DLG2: variants seen among roughly 807,000 people sequenced by gnomAD.
DLG2 encodes the protein disks large homolog 2.
Under a neutral mutation model 132.5 loss-of-function variants are expected in DLG2, and 45 were observed. The ratio of observed to expected loss-of-function variants is 0.34; its 90% CI spans 0.27 to 0.44. The LOEUF is 0.44. Ranked by LOEUF, DLG2 falls within the 20% of genes least tolerant of loss-of-function variation. The pLI, the probability that DLG2 is intolerant of heterozygous loss-of-function variation, is 1.00. For synonymous variants in DLG2, 424 were observed against 419.6 expected, an observed-to-expected ratio of 1.01 and a Z score of -0.13; for missense variants, 1,045 against 1,196.9, an observed-to-expected ratio of 0.87 and a Z score of 1.87.
chr11:84,641,277 T>C (rs1162817477), intron 6 of DLG2, among the ~76,000 whole-genome samples: 1 of 152,182 alleles, frequency 6.6e-6, no homozygotes, highest in Non-Finnish European at 1.5e-5. Context: ...TAATACCTCT[T>C]TTAAAAGGGT....
intron 6 of DLG2, among the ~76,000 whole-genome samples, chr11:84,659,221 A>G (rs184856289): frequency 5.3e-4 from 80 of 152,148 alleles, no homozygotes; most frequent in Non-Finnish European, 7.9e-4. Flanking sequence ...CTAATTGTGT[A>G]TCTTCTGGGT....
intron 3 of DLG2, among the ~76,000 whole-genome samples, chr11:85,415,067 G>A (rs1307021390): frequency 1.3e-5 from 2 of 152,160 alleles, no homozygotes; most frequent in East Asian, 1.9e-4. Context: ...GTGTCCATGT[G>A]TTCTCATTGA....
intron 7 of DLG2, among the ~76,000 whole-genome samples, chr11:84,275,654 G>A (rs754604575): frequency 7.2e-5 from 11 of 152,112 alleles, no homozygotes; most frequent in African/African-American, 1.7e-4. Context: ...ACACCCAGCC[G>A]TGCTATAATT....
chr11:83,592,244 A>C (rs1451947505), intron 19 of DLG2, among the ~76,000 whole-genome samples: 2 of 151,386 alleles, frequency 1.3e-5, no homozygotes, highest in East Asian at 3.9e-4. Context: ...TTCAAACTAT[A>C]CTACAAGGCT....
chr11:85,155,119 T>A (rs1362502114), intron 4 of DLG2, among the ~76,000 whole-genome samples: 1 of 152,226 alleles, frequency 6.6e-6, no homozygotes, highest in East Asian at 1.9e-4. Flanking sequence ...AAATAATGTC[T>A]ACTTTCAAAG....
intron 3 of DLG2, among the ~76,000 whole-genome samples, chr11:85,409,393 T>C (rs969203300): frequency 2.0e-5 from 3 of 151,736 alleles, no homozygotes; most frequent in African/African-American, 4.8e-5. Flanking sequence ...CAGTTTTTCC[T>C]CCCTAAAAGG....
intron 18 of DLG2, among the ~76,000 whole-genome samples, chr11:83,702,310 T>C (rs950511866): frequency 6.6e-6 from 1 of 152,210 alleles, no homozygotes; most frequent in Non-Finnish European, 1.5e-5. Flanking sequence ...CATCTTCTTC[T>C]ACTTAACAAT....
chr11:83,457,602 A>T lies in DLG2; in HGVS notation c.*2216T>A, dbSNP rs2089216200. On this transcript the variant is annotated 3_prime_UTR_variant, in exon 28 of 28. Transcript: ENST00000376104. ...AGCACATCACACGACCCGCGAAAACATCTACTCATTAATGACAGTCTTTTA... is the reference window on the plus strand; with the variant it reads ...AGCACATCACACGACCCGCGAAAACTTCTACTCATTAATGACAGTCTTTTA... The T allele has an allele frequency of 6.6e-6, 1 of 152,668 alleles. No individual in the cohort carries two copies. The highest frequency in any genetic ancestry group is 2.1e-4 in the South Asian group (1 of 4,826). 9.5% of individuals were successfully genotyped at this position (152,668 alleles called of 1,614,324 possible).
chr11:84,710,372 T>C lies in DLG2; in HGVS notation c.358-175641A>G, dbSNP rs142650633. 2.0e-3 allele frequency among the ~76,000 whole-genome samples: 310 copies of C among 152,030 alleles called. 2 individuals are homozygous for C. The highest frequency in any genetic ancestry group is 7.0e-3 in the African/African-American group (291 of 41,504). ...CAAGAGAGAACTAGAAATTGATTAATGGACAAGTGTACCTACATTTCTCCA... is the reference window on the plus strand; with the variant it reads ...CAAGAGAGAACTAGAAATTGATTAACGGACAAGTGTACCTACATTTCTCCA... On this transcript the variant is annotated intron_variant, in intron 6 of 27. Transcript: ENST00000376104.
At position 85,239,667 on chromosome 11, in the gene DLG2, C is replaced by A. The variant is rs539755078; in HGVS notation, c.186+45553G>T. ...TAAAAGTCTATCCTATTTATATAAT[C>A]TTTTGGGACTCCCTTTTTCCCTCAG... On this transcript the variant is annotated intron_variant, in intron 4 of 27. Transcript: ENST00000376104. Among the ~76,000 whole-genome samples the A allele has an allele frequency of 9.2e-5, 14 of 152,020 alleles. No individual in the cohort carries two copies. In the South Asian group the frequency reaches 2.9e-3, roughly 32 times the overall value.
intron 6 of DLG2, among the ~76,000 whole-genome samples, chr11:84,627,875 T>A (rs1226554878): frequency 6.6e-6 from 1 of 151,960 alleles, no homozygotes; most frequent in Non-Finnish European, 1.5e-5. Flanking sequence ...TCATGAGAAC[T>A]CACTCACTAT....
intron 3 of DLG2, among the ~76,000 whole-genome samples, chr11:85,390,130 C>T (rs1408374109): frequency 1.3e-5 from 2 of 151,964 alleles, no homozygotes; most frequent in Non-Finnish European, 2.9e-5. Flanking sequence ...CATAACCACT[C>T]ACATAAACTT....
intron 9 of DLG2, among the ~76,000 whole-genome samples, chr11:84,099,433 T>A (rs1595216195): frequency 6.6e-6 from 1 of 152,048 alleles, no homozygotes; most frequent in South Asian, 2.1e-4. Flanking sequence ...ATGAAAGAAT[T>A]TGATTTAATA....
intron 2 of DLG2, among the ~76,000 whole-genome samples, chr11:85,613,615 G>T (rs1448773275): frequency 1.3e-5 from 2 of 152,140 alleles, no homozygotes; most frequent in Non-Finnish European, 2.9e-5. Context: ...TCTAGCTAAA[G>T]GTTTGTAAAT....
At chr11:84,331,001 G>A (rs1008934825) in intron 7 of DLG2, among the ~76,000 whole-genome samples, 5 of 152,192 alleles carry the variant, frequency 3.3e-5, no homozygotes, top group African/African-American at 4.8e-5. Context: ...GACTGATCAC[G>A]ATTTTGAGAG....
chr11:85,370,711 A>G (rs1037043639), intron 3 of DLG2, among the ~76,000 whole-genome samples: 1 of 152,158 alleles, frequency 6.6e-6, no homozygotes, highest in African/African-American at 2.4e-5. Flanking sequence ...TTCAGTTTCA[A>G]AATTGTCTTC....
chr11:83,687,435 C>G (rs750373760), intron 18 of DLG2, among the ~76,000 whole-genome samples: 4 of 152,078 alleles, frequency 2.6e-5, no homozygotes, highest in Admixed American at 6.6e-5. Context: ...AGACACTGGT[C>G]CCTGGCCCTT....
chr11:84,757,950 C>T (rs2067106341), intron 6 of DLG2, among the ~76,000 whole-genome samples: 1 of 152,164 alleles, frequency 6.6e-6, no homozygotes, highest in Non-Finnish European at 1.5e-5. Context: ...TTTAGCCTAA[C>T]CAGCAGAAGT....
chr11:84,464,768 T>C (rs1567705095), intron 7 of DLG2, among the ~76,000 whole-genome samples: 2 of 151,068 alleles, frequency 1.3e-5, no homozygotes, highest in Admixed American at 6.6e-5. Context: ...CATAAATAGA[T>C]ATGAATAAGA....
Sources: gnomAD v4.1 joint callset for allele counts (sites outside exome capture counted in the v4.1 genomes callset) on GRCh38, gnomAD v4.1.1 for gene constraint, MANE v1.5 for transcripts, NCBI Gene and HGNC (gene_info 2026-07-23, HGNC 2026-07-21) for gene names.